Variants in SH3D19 observed in about 807,000 individuals in gnomAD.
SH3D19 encodes the protein SH3 domain-containing protein 19.
A neutral mutation model predicts 112.1 loss-of-function variants in SH3D19; 58 were observed. The ratio of observed to expected loss-of-function variants is 0.52; its 90% CI spans 0.42 to 0.64. SH3D19 has a LOEUF of 0.64. Among genes scored for constraint, SH3D19 ranks in the 30% least tolerant of loss-of-function variants. The probability of loss-of-function intolerance (pLI) is 0.00; values close to 1 mark genes in which losing one functional copy is unlikely to be tolerated. For synonymous variants in SH3D19, 391 were observed against 448.5 expected (o/e 0.87, Z 1.62); for missense variants, 1,090 against 1,263.4 (o/e 0.86, Z 2.08).
At chr4:151,238,048 A>G (rs78717194) in intron 1 of SH3D19, among the ~76,000 whole-genome samples, 4,038 of 152,288 alleles carry the variant, frequency 0.027, 134 homozygotes, top group Admixed American at 0.073. Context: ...AAAAGTAAGC[A>G]GAAGAGGGAG....
In SH3D19 at chr4:151,305,427, T is replaced by C. The variant is rs575414003; in HGVS notation, c.112+19814A>G. Among the ~76,000 whole-genome samples, 37 of 152,344 alleles carry C rather than the reference T, an allele frequency of 2.4e-4. No homozygotes were observed. The South Asian group carries it at 4.6e-3, about 19-fold the overall frequency. On this transcript the variant is annotated intron_variant, in intron 1 of 19. Coordinates refer to ENST00000604030, the MANE Select transcript of SH3D19 (RefSeq NM_001378122.1). ...ATATTTTCTCCTAGTCTGTAGCTTA[T>C]CTTTTTATTCTATTTAACAGTGTCT... is the stretch of plus-strand genomic sequence containing the variant.
At chr4:151,263,087 T>C (rs1007373119) in intron 1 of SH3D19, among the ~76,000 whole-genome samples, 3 of 152,240 alleles carry the variant, frequency 2.0e-5, no homozygotes, top group African/African-American at 7.2e-5. Flanking sequence ...TGCTGTCCCA[T>C]AAGCCTAATT....
chr4:151,184,029 T>A (rs1561299667), intron 3 of SH3D19, among the ~76,000 whole-genome samples: 1 of 152,200 alleles, frequency 6.6e-6, no homozygotes, highest in Non-Finnish European at 1.5e-5. Context: ...TAACTAAGTC[T>A]GAATTTCAGA....
chr4:151,135,992 A>AAAACG (rs1357490065), intron 14 of SH3D19, among the ~76,000 whole-genome samples: 1 of 127,008 alleles, frequency 7.9e-6, no homozygotes, highest in Non-Finnish European at 1.6e-5. Context: ...TCTCAAAAAC[A>AAAACG]AAACAAAACA....
At chr4:151,177,704 A>C (rs1169102398) in intron 4 of SH3D19, among the ~76,000 whole-genome samples, 1 of 152,224 alleles carries the variant, frequency 6.6e-6, no homozygotes, top group Non-Finnish European at 1.5e-5. Context: ...CCATTTAAAA[A>C]GAATATCCTC....
At chr4:151,163,298 T>C (rs1757455524) in intron 8 of SH3D19, among the ~76,000 whole-genome samples, 1 of 152,158 alleles carries the variant, frequency 6.6e-6, no homozygotes, top group Non-Finnish European at 1.5e-5. Flanking sequence ...GTCCTGTGAG[T>C]CCTCCTAGTG....
intron 7 of SH3D19, among the ~76,000 whole-genome samples, chr4:151,169,746 T>C (rs1161160708): frequency 6.6e-6 from 1 of 152,206 alleles, no homozygotes; most frequent in Non-Finnish European, 1.5e-5. Flanking sequence ...AACCTTTGAC[T>C]AGTAGTCCCA....
chr4:151,237,039 C>T (rs1770124144), intron 1 of SH3D19, among the ~76,000 whole-genome samples: 7 of 152,236 alleles, frequency 4.6e-5, no homozygotes, highest in Admixed American at 4.6e-4. Context: ...TGTTCTTTCA[C>T]TCTTCACGAT....
intron 7 of SH3D19, among the ~76,000 whole-genome samples, chr4:151,173,620 A>G (rs1759431972): frequency 1.3e-5 from 2 of 152,232 alleles, no homozygotes; most frequent in South Asian, 4.1e-4. Flanking sequence ...TTTATGGACA[A>G]AAGCCATGTA....
chr4:151,275,403 A>G lies in SH3D19; in HGVS notation c.113-49317T>C, dbSNP rs1323873602. Among the ~76,000 whole-genome samples the G allele has an allele frequency of 5.3e-5, 8 of 152,146 alleles. No individual in the cohort carries two copies. The East Asian group carries it at 1.6e-3, about 30-fold the overall frequency. On this transcript the variant is annotated intron_variant, in intron 1 of 19. Transcript: ENST00000604030. Reference sequence around the variant, plus strand: ...TGCCCAGCCTCAAGATACATTTTTGAGGAGACATAATTCAGCTCAAAACAA... The same window carrying G: ...TGCCCAGCCTCAAGATACATTTTTGGGGAGACATAATTCAGCTCAAAACAA...
intron 1 of SH3D19, among the ~76,000 whole-genome samples, chr4:151,230,852 T>C (rs1255778485): frequency 6.6e-6 from 1 of 152,132 alleles, no homozygotes; most frequent in African/African-American, 2.4e-5. Context: ...GTGCTGGGAT[T>C]ATAGGTGTGA....
At chr4:151,139,662 T>A in intron 13 of SH3D19, 113 bp downstream of exon 13, 2 of 871,348 alleles carry the variant, frequency 2.3e-6, no homozygotes, top group Non-Finnish European at 3.6e-6. Context: ...AGTCTCGGAC[T>A]CTATAGGCAC....
chr4:151,242,406 T>C (rs745343546), intron 1 of SH3D19, among the ~76,000 whole-genome samples: 5 of 152,074 alleles, frequency 3.3e-5, no homozygotes, highest in Non-Finnish European at 5.9e-5. Flanking sequence ...TGAGTCCTAT[T>C]TTAGAATGTG....
intron 1 of SH3D19, among the ~76,000 whole-genome samples, chr4:151,293,181 G>T (rs1201263321): frequency 1.3e-5 from 2 of 150,230 alleles, no homozygotes; most frequent in African/African-American, 4.9e-5. Flanking sequence ...AGAAAATAAG[G>T]GTAGACTGGC....
At chr4:151,223,745 CT>C (rs758305244) in intron 2 of SH3D19, among the ~76,000 whole-genome samples, 4 of 152,092 alleles carry the variant, frequency 2.6e-5, no homozygotes, top group South Asian at 2.1e-4. Context: ...TTATCTTACT[CT>C]TTTTTTTCAT....
chr4:151,315,709 TGGGA>T (rs1368287488), intron 1 of SH3D19, among the ~76,000 whole-genome samples: 1 of 151,888 alleles, frequency 6.6e-6, no homozygotes, highest in Non-Finnish European at 1.5e-5. Context: ...CCCATCTACT[TGGGA>T]GGCAGAGGCA....
chr4:151,237,185 G>T (rs1225039027), intron 1 of SH3D19, among the ~76,000 whole-genome samples: 1 of 152,132 alleles, frequency 6.6e-6, no homozygotes, highest in Non-Finnish European at 1.5e-5. Context: ...CTCTGGACAC[G>T]CCGCCTTTAA....
intron 17 of SH3D19, among the ~76,000 whole-genome samples, chr4:151,131,167 A>G (rs556516731): frequency 1.3e-5 from 2 of 152,198 alleles, no homozygotes; most frequent in East Asian, 1.9e-4. Flanking sequence ...TATTCTCCCA[A>G]TAATGGTCAT....
intron 8 of SH3D19, among the ~76,000 whole-genome samples, chr4:151,161,639 TA>T (rs1387887037): frequency 3.1e-4 from 45 of 143,934 alleles, no homozygotes; most frequent in African/African-American, 1.1e-3. Flanking sequence ...TATATATATA[TA>T]TTTTAATTAT....
Sources: allele counts gnomAD v4.1 joint callset (sites outside exome capture counted in the v4.1 genomes callset), GRCh38; gene constraint gnomAD v4.1.1; transcripts MANE v1.5; gene names NCBI Gene and HGNC (gene_info 2026-07-23, HGNC 2026-07-21).